The following URI1 variants were observed in gnomAD, a reference collection of about 807,000 sequenced individuals.
URI1 encodes unconventional prefoldin RPB5 interactor 1.
A neutral mutation model predicts 60.2 loss-of-function variants in URI1; 39 were observed. The ratio of observed to expected loss-of-function variants is 0.65; its 90% CI spans 0.50 to 0.85. URI1 has a LOEUF of 0.85. Among genes scored for constraint, URI1 ranks in the 40% least tolerant of loss-of-function variants. The pLI, the probability that URI1 is intolerant of heterozygous loss-of-function variation, is 0.00. For synonymous variants in URI1, 251 were observed against 236.8 expected (o/e 1.06, Z -0.55); for missense variants, 691 against 665.9 (o/e 1.04, Z -0.42).
chr19:29,988,477 C>T (rs1235677694), intron 4 of URI1, among the ~76,000 whole-genome samples: 3 of 152,214 alleles, frequency 2.0e-5, no homozygotes, highest in African/African-American at 4.8e-5. Flanking sequence ...CTCCCTCACA[C>T]TGCCCCTTGG....
intron 1 of URI1, among the ~76,000 whole-genome samples, chr19:29,964,200 C>A (rs2055360644): frequency 6.6e-6 from 1 of 152,134 alleles, no homozygotes; most frequent in African/African-American, 2.4e-5. Flanking sequence ...CCACAGTTCT[C>A]CCCTCTCTGA....
chr19:29,956,474 T>A, intron 1 of URI1: 1 of 1,590,590 alleles, frequency 6.3e-7, no homozygotes, highest in Non-Finnish European at 8.5e-7. Flanking sequence ...AAAAATTTCC[T>A]GATATCCTTG....
chr19:29,982,392 G>GT (rs74610588), intron 2 of URI1, among the ~76,000 whole-genome samples: 3 of 151,864 alleles, frequency 2.0e-5, no homozygotes, highest in Non-Finnish European at 4.4e-5. Context: ...CAAAATAGAT[G>GT]TTTTTTGTGA....
chr19:29,969,850 A>C (rs947831559), intron 1 of URI1, among the ~76,000 whole-genome samples: 1 of 152,166 alleles, frequency 6.6e-6, no homozygotes, highest in African/African-American at 2.4e-5. Flanking sequence ...ATGTAGTTTT[A>C]GCTTGGCTCT....
At chr19:29,944,558 A>G (rs2055080165) in intron 1 of URI1, among the ~76,000 whole-genome samples, 1 of 152,164 alleles carries the variant, frequency 6.6e-6, no homozygotes, top group South Asian at 2.1e-4. Flanking sequence ...GCTTTCTGGT[A>G]TCGTGTTGAG....
At chr19:29,962,526 C>T (rs1373130848) in intron 1 of URI1, among the ~76,000 whole-genome samples, 2 of 147,114 alleles carry the variant, frequency 1.4e-5, no homozygotes, top group African/African-American at 5.0e-5. Flanking sequence ...CATTTTAATT[C>T]TACGTATTTT....
intron 4 of URI1, among the ~76,000 whole-genome samples, chr19:29,992,357 A>G (rs944119929): frequency 7.2e-5 from 11 of 152,374 alleles, no homozygotes; most frequent in Admixed American, 1.3e-4. Context: ...GGCGTGAGCC[A>G]CTGTGCCTGG....
chr19:29,956,967 G>A, intron 1 of URI1: 1 of 900,136 alleles, frequency 1.1e-6, no homozygotes, highest in Non-Finnish European at 1.8e-6. Flanking sequence ...TCAACAGTCT[G>A]ATTGCTGAGA....
At position 30,012,276 on chromosome 19, in the gene URI1, A is replaced by T; in HGVS notation, c.1179-9A>T. 1 of 1,606,386 alleles carries T rather than the reference A, an allele frequency of 6.2e-7. No homozygotes were observed. Among genetic ancestry groups the T allele is most frequent in the Non-Finnish European group, 8.5e-7 (1 of 1,174,860 alleles). On this transcript the variant is annotated splice_polypyrimidine_tract_variant and intron_variant, in intron 9 of 10. Transcript: ENST00000392271. The stretch of plus-strand genomic sequence containing the variant: ...TATAGTGAATGCATATGTGTTTTGA[A>T]TATCACAGAGCCTTTGTTGATGTTG...
chr19:29,991,517 T>C (rs2055746395), intron 4 of URI1, among the ~76,000 whole-genome samples: 1 of 152,218 alleles, frequency 6.6e-6, no homozygotes, highest in African/African-American at 2.4e-5. Context: ...CATGGGATTT[T>C]CTATGTAGAC....
chr19:29,943,671 C>T (rs1421255244), intron 1 of URI1, among the ~76,000 whole-genome samples: 1 of 151,898 alleles, frequency 6.6e-6, no homozygotes, highest in Non-Finnish European at 1.5e-5. Flanking sequence ...TTTGATAGAA[C>T]TTAAAAAACC....
intron 1 of URI1, among the ~76,000 whole-genome samples, chr19:29,965,494 A>G (rs928567323): frequency 2.0e-5 from 3 of 152,224 alleles, no homozygotes; most frequent in Non-Finnish European, 4.4e-5. Context: ...AGTTTATGGC[A>G]TATTCATTGT....
intron 2 of URI1, among the ~76,000 whole-genome samples, chr19:29,972,068 G>T (rs907001673): frequency 6.6e-6 from 1 of 152,028 alleles, no homozygotes; most frequent in Non-Finnish European, 1.5e-5. Flanking sequence ...ATGCCTGAGA[G>T]ATCTCCAAGG....
rs181046905 is a variant in URI1, at chr19:30,006,170, C to T, written c.517+462C>T. On this transcript the variant is annotated intron_variant, in intron 6 of 10. Coordinates refer to ENST00000392271, the MANE Select transcript of URI1 (RefSeq NM_003796.3). ...ATGGTGCCTGCAGTGGCTTTCCCTG[C>T]GCAGGTTGTTCCCATCTCCACCCAG... 1.5e-3 allele frequency among the ~76,000 whole-genome samples: 227 copies of T among 152,152 alleles called. 3 individuals carry two copies. Among genetic ancestry groups the T allele is most frequent in the Non-Finnish European group, 7.7e-4 (52 of 67,970 alleles).
rs771563788 is a variant in URI1, at chr19:30,007,478, C to T, written c.526C>T (p.Arg176Ter). 1.2e-6 allele frequency: 2 copies of T among 1,612,204 alleles called. No individual in the cohort carries two copies. The highest frequency in any genetic ancestry group is 1.7e-6 in the Non-Finnish European group (2 of 1,178,990). ...KCDFEFKAKH[R>*]IAHKPHSKPK... ...TTCCTTTTTCTAAATAGCAAAACAC[C>T]GAATTGCTCATAAACCGCATTCCAA... The change falls in exon 7 of 11, where the codon CGA (arginine) becomes TGA (stop). Residue 176 changes from arginine to a stop codon, truncating the protein, a stop_gained. Coordinates refer to ENST00000392271, the MANE Select transcript of URI1 (RefSeq NM_003796.3). LOFTEE classifies it high-confidence loss of function.
At chr19:29,953,629 T>C (rs1384132375) in intron 1 of URI1, among the ~76,000 whole-genome samples, 1 of 152,154 alleles carries the variant, frequency 6.6e-6, no homozygotes, top group Non-Finnish European at 1.5e-5. Flanking sequence ...GATATTTTGC[T>C]GTTGATTGCA....
At chr19:29,998,127 T>C (rs1353386189) in intron 4 of URI1, among the ~76,000 whole-genome samples, 2 of 152,220 alleles carry the variant, frequency 1.3e-5, no homozygotes, top group African/African-American at 2.4e-5. Context: ...CATATATTTA[T>C]GACTTTTTCC....
Position 29,942,268 on chromosome 19 carries a change from C to T in URI1, c.-280C>T. The T allele has an allele frequency of 1.2e-5, 12 of 984,716 alleles. No homozygotes were observed. The highest frequency in any genetic ancestry group is 1.4e-5 in the Non-Finnish European group (12 of 829,620). 61.0% of individuals were successfully genotyped at this position (984,716 alleles called of 1,614,324 possible). On this transcript the variant is annotated 5_prime_UTR_variant, in exon 1 of 11. Transcript: ENST00000392271. Reference sequence around the variant, plus strand: ...GGGGAGGCGCGGCCGCCACGCGACGCCTGGCTGGGCCCGCACCGGAGAGGC... The same window carrying T: ...GGGGAGGCGCGGCCGCCACGCGACGTCTGGCTGGGCCCGCACCGGAGAGGC...
At chr19:29,986,244 T>C in intron 3 of URI1, 38 bp from the exon 4 acceptor site, 1 of 1,525,168 alleles carries the variant, frequency 6.6e-7, no homozygotes, top group Non-Finnish European at 8.7e-7. Flanking sequence ...TTCAGTGTTT[T>C]ATGTTTTTTC....
Sources: gnomAD v4.1 joint callset for allele counts (sites outside exome capture counted in the v4.1 genomes callset) on GRCh38, gnomAD v4.1.1 for gene constraint, MANE v1.5 for transcripts, NCBI Gene and HGNC (gene_info 2026-07-23, HGNC 2026-07-21) for gene names.